LIPM: variants seen among roughly 807,000 people sequenced by gnomAD.
LIPM encodes lipase family member M, also known as lipase member M.
Under a neutral mutation model 42.4 loss-of-function variants are expected in LIPM, and 42 were observed. The ratio of observed to expected loss-of-function variants is 0.99; its 90% CI spans 0.77 to 1.28. LIPM has a LOEUF of 1.28. Among genes scored for constraint, LIPM ranks in the 50% most tolerant of loss-of-function variants. The pLI is 0.00. For missense variants in LIPM, 524 were observed against 520.1 expected, an observed-to-expected ratio of 1.01 and a Z score of -0.07; for synonymous variants, 177 against 173.3, an observed-to-expected ratio of 1.02 and a Z score of -0.17.
chr10:88,807,610 T>C (rs1254605468), intron 1 of LIPM, among the ~76,000 whole-genome samples: 1 of 152,194 alleles, frequency 6.6e-6, no homozygotes, highest in East Asian at 1.9e-4. Context: ...ACTCCTGAAA[T>C]TGAATGCAAA....
At position 88,815,335 on chromosome 10, in the gene LIPM, A is replaced by G. The variant is rs1183092577; in HGVS notation, c.712-22A>G. ...CACATCTTTTCTGTCTGTCATGTCTATGTCACTTCATATTTTCACAGGGAT... is the reference window on the plus strand; with the variant it reads ...CACATCTTTTCTGTCTGTCATGTCTGTGTCACTTCATATTTTCACAGGGAT... On this transcript the variant is annotated intron_variant, in intron 5 of 8. Coordinates refer to ENST00000404743, the MANE Select transcript of LIPM (RefSeq NM_001128215.1). The G allele has an allele frequency of 8.4e-6, 13 of 1,551,162 alleles. No homozygotes were observed. In the East Asian group the frequency reaches 1.5e-4, roughly 17 times the overall value.
In LIPM at chr10:88,815,219, A is replaced by C. The variant is rs1258367175; in HGVS notation, c.706A>C (p.Ile236Leu). Residue 236 changes from isoleucine to leucine, a missense_variant, in exon 5 of 9, where the codon ATC becomes CTC. Coordinates refer to ENST00000404743, the MANE Select transcript of LIPM (RefSeq NM_001128215.1). ...ATTTTTGTTGCTGCCAGATATGATG[A>C]TCAAGGTATGAGACTCCTCAGAAAA... ...TKFLLLPDMM[I>L]KGLFGKKEFL... The C allele has an allele frequency of 1.9e-6, 3 of 1,551,704 alleles. No individual in the cohort carries two copies. Among genetic ancestry groups the C allele is most frequent in the Non-Finnish European group, 2.6e-6 (3 of 1,146,988 alleles).
chr10:88,813,057 A>G (rs1434748813), intron 2 of LIPM, 40 bp from the exon 3 acceptor site: 2 of 1,487,456 alleles, frequency 1.3e-6, no homozygotes, highest in South Asian at 1.2e-5. Flanking sequence ...CAAGAAAGGG[A>G]GAGAACATTT....
rs776779904 is a variant in LIPM at position 88,820,404 on chromosome 10, G to T, written c.1175G>T (p.Gly392Val). The T allele has an allele frequency of 6.4e-7, 1 of 1,552,216 alleles. No individual in the cohort carries two copies. The highest frequency in any genetic ancestry group is 1.2e-5 in the South Asian group (1 of 84,054). Residue 392 changes from glycine (G) to valine (V), a missense_variant, in exon 9 of 9, where the codon GGT (glycine) becomes GTT (valine). By Grantham distance (109) the Gly-to-Val change is moderately radical. Transcript: ENST00000404743. Reference sequence around the variant, plus strand: ...TGGGCTCACGTGGATTTCATCTGGGGTTTGGATGCTCCTCACCGTATGTAC... The same window carrying T: ...TGGGCTCACGTGGATTTCATCTGGGTTTTGGATGCTCCTCACCGTATGTAC... ...PEWAHVDFIW[G>V]LDAPHRMYNE...
chr10:88,820,378 A>G lies in LIPM; in HGVS notation c.1149A>G (p.Glu383=). ...TNLIYHKNIP[E]WAHVDFIWGL... Reference sequence around the variant, plus strand: ...TCATCTACCATAAGAATATTCCTGAATGGGCTCACGTGGATTTCATCTGGG... The same window carrying G: ...TCATCTACCATAAGAATATTCCTGAGTGGGCTCACGTGGATTTCATCTGGG... The change falls in exon 9 of 9, where the codon GAA becomes GAG. Residue 383 remains glutamate (E), a synonymous_variant. Coordinates refer to ENST00000404743, the MANE Select transcript of LIPM (RefSeq NM_001128215.1). The G allele has an allele frequency of 6.4e-7, 1 of 1,552,302 alleles. No homozygotes were observed. The highest frequency in any genetic ancestry group is 8.7e-7 in the Non-Finnish European group (1 of 1,147,128).
At chr10:88,810,851 G>A (rs1589314262) in intron 2 of LIPM, among the ~76,000 whole-genome samples, 1 of 152,308 alleles carries the variant, frequency 6.6e-6, no homozygotes, top group East Asian at 1.9e-4. Flanking sequence ...TTAACCATGG[G>A]AAATGCCCGG....
chr10:88,806,040 C>T (rs1291083577), intron 1 of LIPM: 3 of 455,826 alleles, frequency 6.6e-6, no homozygotes, highest in African/African-American at 4.0e-5. Context: ...GGGACGTGAA[C>T]TTGGAGGAAG....
chr10:88,806,593 C>A (rs1292820065), intron 1 of LIPM, among the ~76,000 whole-genome samples: 2 of 152,168 alleles, frequency 1.3e-5, no homozygotes, highest in Admixed American at 1.3e-4. Flanking sequence ...CCACACAGAC[C>A]TGCTGTATCA....
intron 1 of LIPM, 98 bp from the exon 2 acceptor site, chr10:88,808,200 T>C: frequency 1.5e-6 from 1 of 678,336 alleles, no homozygotes; most frequent in Non-Finnish European, 2.6e-6. Context: ...GGACTTTCAC[T>C]GTGTTTTACA....
At chr10:88,803,619 G>GTTTT (rs34653288) in intron 1 of LIPM, among the ~76,000 whole-genome samples, 38 of 122,102 alleles carry the variant, frequency 3.1e-4, no homozygotes, top group Admixed American at 3.5e-4. Flanking sequence ...TTCCCAGGAG[G>GTTTT]TTTTTTTTTT....
In LIPM at chr10:88,816,200, T is replaced by G. The variant is rs60523093; in HGVS notation, c.859-616T>G. 0.016 allele frequency among the ~76,000 whole-genome samples: 2,436 copies of G among 152,224 alleles called. 107 individuals are homozygous for G. The East Asian group carries it at 0.17, about 11-fold the overall frequency. Reference sequence around the variant, plus strand: ...TAATGTAGCCATACCAGTAACAGGGTAGCACTGGGCAATGTATCTGCCTAC... The same window carrying G: ...TAATGTAGCCATACCAGTAACAGGGGAGCACTGGGCAATGTATCTGCCTAC... On this transcript the variant is annotated intron_variant, in intron 6 of 8. Coordinates refer to ENST00000404743, the MANE Select transcript of LIPM (RefSeq NM_001128215.1).
chr10:88,811,120 A>AG (rs5786839), intron 2 of LIPM, among the ~76,000 whole-genome samples: 71,264 of 151,958 alleles, frequency 0.47, 17,163 homozygotes, highest in East Asian at 0.6. Context: ...TTGGTGTAGA[A>AG]GGCTTTTGTC....
intron 6 of LIPM, among the ~76,000 whole-genome samples, chr10:88,816,570 AT>A (rs142774867): frequency 0.018 from 2,732 of 152,148 alleles, 63 homozygotes; most frequent in African/African-American, 0.062. Context: ...CACTAGTAAA[AT>A]TTTTTTTAAT....
intron 8 of LIPM, among the ~76,000 whole-genome samples, chr10:88,818,890 A>G (rs974271866): frequency 6.6e-6 from 1 of 151,988 alleles, no homozygotes; most frequent in Non-Finnish European, 1.5e-5. Context: ...TTTTTTAATT[A>G]TATTTATTTA....
chr10:88,817,326 A>G (rs1436793542), intron 7 of LIPM, among the ~76,000 whole-genome samples: 1 of 152,202 alleles, frequency 6.6e-6, no homozygotes, highest in Non-Finnish European at 1.5e-5. Flanking sequence ...CAGGAAACAC[A>G]CACCTCTGTG....
intron 2 of LIPM, among the ~76,000 whole-genome samples, chr10:88,810,323 G>A (rs189286924): frequency 5.5e-4 from 84 of 152,260 alleles, no homozygotes; most frequent in African/African-American, 2.0e-3. Context: ...AAGCATGGGG[G>A]TCACCTGCAG....
chr10:88,818,101 C>A (rs544203216), intron 8 of LIPM, among the ~76,000 whole-genome samples: 1 of 152,142 alleles, frequency 6.6e-6, no homozygotes, highest in Non-Finnish European at 1.5e-5. Context: ...GAGTAGGAGG[C>A]CTTTTTAGCT....
chr10:88,803,117 AT>A (rs1157776682), intron 1 of LIPM, 74 bp downstream of exon 1: 6 of 1,428,282 alleles, frequency 4.2e-6, no homozygotes, highest in Non-Finnish European at 5.7e-6. Flanking sequence ...TACATTATGT[AT>A]TATATTTATA....
chr10:88,812,987 T>C, intron 2 of LIPM, 110 bp from the exon 3 acceptor site: 2 of 905,710 alleles, frequency 2.2e-6, no homozygotes, highest in South Asian at 1.7e-5. Flanking sequence ...AGCAAGCAGC[T>C]GAATCAAGAT....
Sources: gnomAD v4.1 joint callset for allele counts (sites outside exome capture counted in the v4.1 genomes callset) on GRCh38, gnomAD v4.1.1 for gene constraint, MANE v1.5 for transcripts, NCBI Gene and HGNC (gene_info 2026-07-23, HGNC 2026-07-21) for gene names.